Variants in DPP10 observed in about 807,000 individuals in gnomAD.
DPP10 encodes inactive dipeptidyl peptidase 10.
DPP10 carries 33 observed loss-of-function variants against 120.9 expected under a neutral mutation model. The ratio of observed to expected loss-of-function variants is 0.27; its 90% CI spans 0.21 to 0.37. The LOEUF is 0.37. DPP10 is among the 10% of genes least tolerant of loss of function. The probability of loss-of-function intolerance (pLI) is 1.00; values close to 1 mark genes in which losing one functional copy is unlikely to be tolerated. For missense variants in DPP10, 816 were observed against 942.8 expected (o/e 0.87, Z 1.76); for synonymous variants, 337 against 326.1 (o/e 1.03, Z -0.36).
intron 7 of DPP10, among the ~76,000 whole-genome samples, chr2:115,724,273 G>T (rs963136693): frequency 6.6e-6 from 1 of 152,148 alleles, no homozygotes; most frequent in Non-Finnish European, 1.5e-5. Flanking sequence ...CTGCCTAATG[G>T]CTCTTCACCC....
chr2:115,820,426 T>C (rs537767137), intron 21 of DPP10, among the ~76,000 whole-genome samples: 59 of 152,124 alleles, frequency 3.9e-4, no homozygotes, highest in African/African-American at 1.3e-3. Context: ...AATTGATTTT[T>C]TTTTCTTTTT....
At chr2:115,208,234 T>C (rs1453386118) in intron 1 of DPP10, among the ~76,000 whole-genome samples, 3 of 150,642 alleles carry the variant, frequency 2.0e-5, no homozygotes, top group African/African-American at 7.3e-5. Context: ...GAGTCTCCCT[T>C]TGTCGCCCAG....
rs1687077085 is a variant in DPP10 at position 114,543,046 on chromosome 2, A to T, written c.60+100208A>T. ...ATACAATTTAAATTACGTTTTCACC[A>T]CAAAGACTGAGTTAATCCTGCTAGA... On this transcript the variant is annotated intron_variant, in intron 1 of 25. Transcript: ENST00000410059. Among the ~76,000 whole-genome samples the T allele has an allele frequency of 2.0e-5, 3 of 152,218 alleles. No individual in the cohort carries two copies. In the South Asian group the frequency reaches 6.2e-4, roughly 32 times the overall value.
At chr2:115,689,438 A>G (rs1489059173) in intron 5 of DPP10, among the ~76,000 whole-genome samples, 1 of 152,186 alleles carries the variant, frequency 6.6e-6, no homozygotes, top group African/African-American at 2.4e-5. Context: ...AAAATTTTGA[A>G]CAAGAAAGTA....
intron 1 of DPP10, among the ~76,000 whole-genome samples, chr2:114,594,627 A>G (rs962061662): frequency 7.3e-6 from 1 of 136,956 alleles, no homozygotes; most frequent in Non-Finnish European, 1.7e-5. Flanking sequence ...ATATGCACAT[A>G]TATATATCCT....
intron 1 of DPP10, among the ~76,000 whole-genome samples, chr2:115,243,112 G>A (rs2058365623): frequency 6.6e-6 from 1 of 152,172 alleles, no homozygotes; most frequent in Non-Finnish European, 1.5e-5. Context: ...TTTATTACAA[G>A]TAAGGTTTAT....
intron 15 of DPP10, 142 bp downstream of exon 15, chr2:115,777,976 C>G (rs1682316676): frequency 2.8e-6 from 2 of 703,362 alleles, no homozygotes; most frequent in African/African-American, 1.8e-5. Flanking sequence ...GCTTCACACT[C>G]TTGCACCAGT....
intron 19 of DPP10, among the ~76,000 whole-genome samples, chr2:115,806,051 C>A (rs1685928735): frequency 6.6e-6 from 1 of 152,110 alleles, no homozygotes; most frequent in Non-Finnish European, 1.5e-5. Context: ...GCCATACAAG[C>A]TTTTATTACT....
intron 1 of DPP10, among the ~76,000 whole-genome samples, chr2:115,295,526 T>G (rs954970613): frequency 1.3e-5 from 2 of 152,090 alleles, no homozygotes; most frequent in African/African-American, 4.8e-5. Flanking sequence ...ACACAAATTC[T>G]TAATATTTCT....
chr2:115,759,396 T>TA (rs573763257), intron 11 of DPP10, among the ~76,000 whole-genome samples: 7,274 of 141,270 alleles, frequency 0.051, 546 homozygotes, highest in African/African-American at 0.17. Flanking sequence ...CATTTCTATA[T>TA]AAAAAAAAAA....
At chr2:115,072,660 C>G (rs1707462852) in intron 1 of DPP10, among the ~76,000 whole-genome samples, 1 of 152,162 alleles carries the variant, frequency 6.6e-6, no homozygotes. Flanking sequence ...TTAAGAGTAG[C>G]AAAAAGGCAT....
At chr2:115,255,539 G>C (rs564044895) in intron 1 of DPP10, among the ~76,000 whole-genome samples, 2 of 152,116 alleles carry the variant, frequency 1.3e-5, no homozygotes, top group Admixed American at 6.6e-5. Flanking sequence ...CCCAGAAAAT[G>C]GGGTTTTCTT....
At chr2:115,620,405 T>G (rs897916869) in intron 5 of DPP10, among the ~76,000 whole-genome samples, 1 of 152,222 alleles carries the variant, frequency 6.6e-6, no homozygotes, top group Non-Finnish European at 1.5e-5. Flanking sequence ...ATAACATTAG[T>G]TCATCATTCT....
In DPP10 at chr2:114,839,659, T is replaced by C. The variant is rs77631502; in HGVS notation, c.60+396821T>C. On this transcript the variant is annotated intron_variant, in intron 1 of 25. Transcript: ENST00000410059. ...ACTGCTCTATTCAGCTGTCATTCTA[T>C]GATTTTGTTTTCAAGGTTGCCCCTT... 7.3e-3 allele frequency among the ~76,000 whole-genome samples: 1,109 copies of C among 152,336 alleles called. 13 individuals are homozygous for C. The highest frequency in any genetic ancestry group is 0.026 in the African/African-American group (1,061 of 41,580).
intron 12 of DPP10, among the ~76,000 whole-genome samples, chr2:115,767,479 G>GTA (rs1457943759): frequency 1.4e-5 from 2 of 144,412 alleles, no homozygotes; most frequent in African/African-American, 5.0e-5. Flanking sequence ...ATATATGTGT[G>GTA]TGTGTGTGTG....
intron 2 of DPP10, among the ~76,000 whole-genome samples, chr2:115,337,089 C>T (rs1235763425): frequency 1.3e-5 from 2 of 149,486 alleles, no homozygotes; most frequent in African/African-American, 4.9e-5. Context: ...TAACAATGAG[C>T]AGAGGGTAAG....
At chr2:114,559,891 CAAAAAAAAA>C (rs60833358) in intron 1 of DPP10, among the ~76,000 whole-genome samples, 2 of 65,954 alleles carry the variant, frequency 3.0e-5, no homozygotes, top group Non-Finnish European at 6.2e-5. Context: ...AGAAAAAAAG[CAAAAAAAAA>C]AAAAAAAAAA....
intron 1 of DPP10, among the ~76,000 whole-genome samples, chr2:114,592,403 A>G (rs1691537820): frequency 2.0e-5 from 3 of 152,176 alleles, no homozygotes; most frequent in Admixed American, 1.3e-4. Flanking sequence ...GGAGGTCAGC[A>G]TTTCTAGACA....
At chr2:114,927,993 A>G (rs1695764564) in intron 1 of DPP10, among the ~76,000 whole-genome samples, 1 of 152,194 alleles carries the variant, frequency 6.6e-6, no homozygotes, top group Non-Finnish European at 1.5e-5. Flanking sequence ...CCTCCCCACC[A>G]GGGAAGGCAT....
Sources: gnomAD v4.1 joint callset for allele counts (sites outside exome capture counted in the v4.1 genomes callset) on GRCh38, gnomAD v4.1.1 for gene constraint, MANE v1.5 for transcripts, NCBI Gene and HGNC (gene_info 2026-07-23, HGNC 2026-07-21) for gene names.